Variants in ANKFN1 observed in about 807,000 individuals in gnomAD.
The protein encoded by ANKFN1 is ankyrin repeat and fibronectin type III domain containing 1.
In ANKFN1, 74 loss-of-function variants were observed where a neutral mutation model predicts 108.7. That is an observed-to-expected ratio of 0.68 (90% CI 0.56 to 0.83). The LOEUF (loss-of-function observed/expected upper bound fraction) is 0.83. Ranked by LOEUF, ANKFN1 falls within the 40% of genes least tolerant of loss-of-function variation. ANKFN1 has a pLI of 0.00. For missense variants in ANKFN1, 1,505 were observed against 1,382.3 expected (o/e 1.09, Z -1.41); for synonymous variants, 547 against 516.2 (o/e 1.06, Z -0.81).
At chr17:56,376,472 A>C (rs879598495) in intron 8 of ANKFN1, among the ~76,000 whole-genome samples, 2 of 152,292 alleles carry the variant, frequency 1.3e-5, no homozygotes, top group Admixed American at 6.5e-5. Flanking sequence ...CAAGACTGAA[A>C]TTCAGAGCAA....
At chr17:56,124,433 T>C (rs1455217997) in intron 4 of ANKFN1, among the ~76,000 whole-genome samples, 3 of 152,144 alleles carry the variant, frequency 2.0e-5, no homozygotes, top group Admixed American at 1.3e-4. Context: ...TGAGACTCAG[T>C]GTGGTGGCAT....
chr17:56,241,484 G>A (rs1266050046), intron 3 of ANKFN1, among the ~76,000 whole-genome samples: 4 of 151,756 alleles, frequency 2.6e-5, no homozygotes, highest in Non-Finnish European at 2.9e-5. Context: ...TTTTTCTGAG[G>A]GATCTACTCT....
rs889268037 is a variant in ANKFN1, at chr17:56,258,784, G to T, written c.53+30827G>T. Among the ~76,000 whole-genome samples, 5 of 152,164 alleles carry T rather than the reference G, an allele frequency of 3.3e-5. No homozygotes were observed. In the South Asian group the frequency reaches 6.2e-4, roughly 19 times the overall value. ...AAATTAGCCGGGCATGGTGGCGGGC[G>T]CCTGTAGTCCCAGCTACTCGGGAGG... On this transcript the variant is annotated intron_variant, in intron 3 of 20. Transcript: ENST00000682825.
chr17:56,288,765 C>T (rs2044285454), intron 3 of ANKFN1, among the ~76,000 whole-genome samples: 2 of 152,106 alleles, frequency 1.3e-5, no homozygotes, highest in South Asian at 4.1e-4. Flanking sequence ...TCCGGTGTGC[C>T]TCCCCTCTAC....
At chr17:56,422,583 G>T (rs1022926965) in intron 8 of ANKFN1, among the ~76,000 whole-genome samples, 5 of 152,140 alleles carry the variant, frequency 3.3e-5, no homozygotes, top group Non-Finnish European at 5.9e-5. Flanking sequence ...TCCAATGTTG[G>T]CAAATGCTTT....
chr17:56,335,318 C>T (rs1287732735), intron 4 of ANKFN1, among the ~76,000 whole-genome samples: 2 of 152,116 alleles, frequency 1.3e-5, no homozygotes, highest in African/African-American at 4.8e-5. Flanking sequence ...GCAGTATGGC[C>T]ATTTTCACGA....
chr17:56,449,019 G>A (rs1242636650), intron 10 of ANKFN1, 60 bp from the exon 11 acceptor site: 4 of 1,465,360 alleles, frequency 2.7e-6, no homozygotes, highest in Admixed American at 1.7e-5. Context: ...CTGACGCAGG[G>A]CAAGGAAGAG....
At chr17:56,477,747 C>A in intron 16 of ANKFN1, 93 bp downstream of exon 16, 1 of 1,425,844 alleles carries the variant, frequency 7.0e-7, no homozygotes, top group Non-Finnish European at 9.6e-7. Context: ...GTGTTACTTC[C>A]AGGGCAGTTT....
rs1446312912 is a variant in ANKFN1 at position 56,513,192 on chromosome 17, A to G, written c.*1923A>G. 6.6e-6 allele frequency among the ~76,000 whole-genome samples: 1 copy of G among 152,218 alleles called. No homozygotes were observed. Among genetic ancestry groups the G allele is most frequent in the African/African-American group, 2.4e-5 (1 of 41,456 alleles). On this transcript the variant is annotated 3_prime_UTR_variant, in exon 21 of 21. Coordinates refer to ENST00000682825, the MANE Select transcript of ANKFN1 (RefSeq NM_001370326.1). Reference sequence around the variant, plus strand: ...AGGCCGTCCCATTGGGAATTGGTCCACACCTAGTTACCTCTTGATTGTTAT... The same window carrying G: ...AGGCCGTCCCATTGGGAATTGGTCCGCACCTAGTTACCTCTTGATTGTTAT...
intron 1 of ANKFN1, among the ~76,000 whole-genome samples, chr17:56,207,750 TTCTTTC>T (rs1195009105): frequency 6.6e-6 from 1 of 152,210 alleles, no homozygotes; most frequent in Non-Finnish European, 1.5e-5. Context: ...TCTCTCCTTT[TTCTTTC>T]TCTTTCTCTT....
intron 3 of ANKFN1, among the ~76,000 whole-genome samples, chr17:56,246,356 T>G (rs1453795653): frequency 6.6e-6 from 1 of 152,082 alleles, no homozygotes; most frequent in Non-Finnish European, 1.5e-5. Context: ...TCTATTCCCT[T>G]CTGTGAATAA....
intron 4 of ANKFN1, among the ~76,000 whole-genome samples, chr17:56,148,109 T>G (rs1464970499): frequency 2.6e-5 from 4 of 152,210 alleles, no homozygotes; most frequent in African/African-American, 9.6e-5. Flanking sequence ...ACTCAAAAAC[T>G]CTTTTTTCTT....
At chr17:56,133,809 A>C (rs989625398) in intron 4 of ANKFN1, among the ~76,000 whole-genome samples, 2 of 151,846 alleles carry the variant, frequency 1.3e-5, no homozygotes, top group African/African-American at 4.8e-5. Flanking sequence ...ACTCTCACAC[A>C]CCACTCAACA....
At chr17:56,158,391 T>C (rs897637099) in intron 1 of ANKFN1, among the ~76,000 whole-genome samples, 2 of 152,124 alleles carry the variant, frequency 1.3e-5, no homozygotes, top group Non-Finnish European at 2.9e-5. Flanking sequence ...TCCCTTCCAT[T>C]TGCCTTCTTC....
intron 11 of ANKFN1, among the ~76,000 whole-genome samples, chr17:56,450,327 A>G (rs1299185220): frequency 6.6e-6 from 1 of 152,250 alleles, no homozygotes; most frequent in Non-Finnish European, 1.5e-5. Context: ...AGCTTGCTAT[A>G]GATAAGTCAT....
In ANKFN1 at chr17:56,332,979, G is replaced by GTATA. The variant is rs61494269; in HGVS notation, c.188+6642_188+6645dup. On this transcript the variant is annotated intron_variant, in intron 4 of 20. Coordinates refer to ENST00000682825, the MANE Select transcript of ANKFN1 (RefSeq NM_001370326.1). Reference sequence around the variant, plus strand: ...ATGAACAAGGTGTGTATATATGTGTGTATATATATATATATATATATCTTC... The same window carrying GTATA: ...ATGAACAAGGTGTGTATATATGTGTGTATATATATATATATATATATATATCTTC... Among the ~76,000 whole-genome samples the GTATA allele has an allele frequency of 4.2e-3, 628 of 147,810 alleles. 8 individuals carry two copies. The highest frequency in any genetic ancestry group is 0.015 in the African/African-American group (601 of 39,552).
At chr17:56,180,788 A>T (rs1376501953) in intron 1 of ANKFN1, among the ~76,000 whole-genome samples, 2 of 152,206 alleles carry the variant, frequency 1.3e-5, no homozygotes, top group African/African-American at 2.4e-5. Context: ...AGTACTCAGA[A>T]TGACTTGATT....
At chr17:56,466,792 T>C in intron 15 of ANKFN1, among the ~76,000 whole-genome samples, 1 of 152,194 alleles carries the variant, frequency 6.6e-6, no homozygotes, top group Admixed American at 6.5e-5. Context: ...AGCATTTTCA[T>C]GCCCTGGCCA....
chr17:56,188,832 G>A (rs1912560858), intron 1 of ANKFN1, among the ~76,000 whole-genome samples: 1 of 151,588 alleles, frequency 6.6e-6, no homozygotes, highest in African/African-American at 2.4e-5. Context: ...GCTCCTAGAT[G>A]GCTTCAGGAT....
Sources: allele counts gnomAD v4.1 joint callset (sites outside exome capture counted in the v4.1 genomes callset), GRCh38; gene constraint gnomAD v4.1.1; transcripts MANE v1.5; gene names NCBI Gene and HGNC (gene_info 2026-07-23, HGNC 2026-07-21).